The following ZZZ3 variants were observed in gnomAD, a reference collection of about 807,000 sequenced individuals.
The protein encoded by ZZZ3 is ZZ-type zinc finger-containing protein 3.
A neutral mutation model predicts 95.2 loss-of-function variants in ZZZ3; 22 were observed. That is an observed-to-expected ratio of 0.23 (90% CI 0.17 to 0.33). The LOEUF (loss-of-function observed/expected upper bound fraction) is 0.33, where lower values mean the gene tolerates loss of function less well. Ranked by LOEUF, ZZZ3 falls within the 10% of genes least tolerant of loss-of-function variation. The pLI is 1.00. For synonymous variants in ZZZ3, 335 were observed against 358.9 expected, an observed-to-expected ratio of 0.93 and a Z score of 0.75; for missense variants, 885 against 1,066.5, an observed-to-expected ratio of 0.83 and a Z score of 2.37.
intron 5 of ZZZ3, among the ~76,000 whole-genome samples, 179 bp downstream of exon 5, chr1:77,631,671 G>T (rs1667824769): frequency 6.6e-6 from 1 of 152,142 alleles, no homozygotes; most frequent in South Asian, 2.1e-4. Flanking sequence ...GAACACACGT[G>T]TAAAGTTGAG....
chr1:77,610,780 C>A (rs1023326990), intron 5 of ZZZ3, among the ~76,000 whole-genome samples: 10 of 150,754 alleles, frequency 6.6e-5, no homozygotes, highest in African/African-American at 2.2e-4. Context: ...AAAAAAAAAA[C>A]TCTCAACAAA....
At position 77,565,469 on chromosome 1, in the gene ZZZ3, T is replaced by G. The variant is rs569774087; in HGVS notation, c.*171A>C. 1 of 613,248 alleles carries G rather than the reference T, an allele frequency of 1.6e-6. No individual in the cohort carries two copies. Among genetic ancestry groups the G allele is most frequent in the African/African-American group, 1.9e-5 (1 of 52,604 alleles). The allele number at this position is 613,248 out of a possible 1,614,324, so 38.0% of individuals were successfully genotyped here. On this transcript the variant is annotated 3_prime_UTR_variant, in exon 15 of 15. Coordinates refer to ENST00000370801, the MANE Select transcript of ZZZ3 (RefSeq NM_015534.6). ...GGAATGTTCAGCTGCTGAACAGTGATCTAGAGCCACAACGGTGCAGAGCTG... is the reference window on the plus strand; with the variant it reads ...GGAATGTTCAGCTGCTGAACAGTGAGCTAGAGCCACAACGGTGCAGAGCTG...
chr1:77,640,022 C>T (rs757145685), intron 3 of ZZZ3, among the ~76,000 whole-genome samples: 1 of 151,702 alleles, frequency 6.6e-6, no homozygotes, highest in Non-Finnish European at 1.5e-5. Context: ...ATCAAGTATA[C>T]ATAACCATTT....
chr1:77,679,820 C>A (rs1672587571), intron 1 of ZZZ3, among the ~76,000 whole-genome samples: 1 of 152,158 alleles, frequency 6.6e-6, no homozygotes, highest in South Asian at 2.1e-4. Flanking sequence ...TGTAAAAATA[C>A]ATTTTTCCTC....
intron 5 of ZZZ3, among the ~76,000 whole-genome samples, chr1:77,605,819 G>C (rs1665172607): frequency 6.6e-6 from 1 of 152,162 alleles, no homozygotes; most frequent in Admixed American, 6.5e-5. Flanking sequence ...TGTGGACCTT[G>C]AATAACCAGC....
intron 5 of ZZZ3, among the ~76,000 whole-genome samples, chr1:77,601,753 T>C (rs778186559): frequency 9.9e-5 from 15 of 152,168 alleles, no homozygotes; most frequent in South Asian, 2.1e-4. Flanking sequence ...TGCTAAGCCC[T>C]TTACAACCTC....
Position 77,565,583 on chromosome 1 carries a change from A to G in ZZZ3, c.*57T>C. 1 of 1,541,586 alleles carries G rather than the reference A, an allele frequency of 6.5e-7. No homozygotes were observed. The highest frequency in any genetic ancestry group is 8.9e-7 in the Non-Finnish European group (1 of 1,128,008). ...TCTTTCCAAACTGTGCACATAATTA[A>G]CAATGATACCATTGCTATGTGTTGA... On this transcript the variant is annotated 3_prime_UTR_variant, in exon 15 of 15. Transcript: ENST00000370801.
chr1:77,635,955 C>A (rs144075114), intron 4 of ZZZ3, among the ~76,000 whole-genome samples: 3 of 152,180 alleles, frequency 2.0e-5, no homozygotes, highest in Non-Finnish European at 4.4e-5. Flanking sequence ...TGAAAAGCAA[C>A]TTACTTGTTT....
chr1:77,646,209 GT>G (rs1387186493), intron 1 of ZZZ3, among the ~76,000 whole-genome samples: 3 of 151,796 alleles, frequency 2.0e-5, no homozygotes, highest in East Asian at 1.9e-4. Flanking sequence ...ATTAGTCTAA[GT>G]TTTTTGTTTT....
intron 1 of ZZZ3, among the ~76,000 whole-genome samples, chr1:77,676,212 G>A (rs1458371495): frequency 6.6e-6 from 1 of 152,186 alleles, no homozygotes; most frequent in East Asian, 1.9e-4. Flanking sequence ...TGTCACCCAG[G>A]CTGGAGTGTA....
chr1:77,671,146 T>A (rs1671754591), intron 1 of ZZZ3, among the ~76,000 whole-genome samples: 1 of 152,202 alleles, frequency 6.6e-6, no homozygotes, highest in East Asian at 1.9e-4. Context: ...AAAATAATTA[T>A]GAAATCCTCC....
intron 3 of ZZZ3, among the ~76,000 whole-genome samples, chr1:77,640,376 G>A (rs1261758587): frequency 6.6e-6 from 1 of 151,952 alleles, no homozygotes; most frequent in Non-Finnish European, 1.5e-5. Flanking sequence ...CAAGACAGGT[G>A]GATCACAAGG....
chr1:77,569,887 A>G (rs562529246), intron 12 of ZZZ3, among the ~76,000 whole-genome samples: 1 of 151,942 alleles, frequency 6.6e-6, no homozygotes, highest in East Asian at 1.9e-4. Context: ...TTTCTTTGCT[A>G]CCTTATGACT....
chr1:77,571,473 T>A (rs935514300), intron 12 of ZZZ3, among the ~76,000 whole-genome samples: 3 of 152,316 alleles, frequency 2.0e-5, no homozygotes, highest in Non-Finnish European at 2.9e-5. Context: ...AGCAGGATAT[T>A]TGTATACCTA....
At chr1:77,652,895 G>C (rs867849147) in intron 1 of ZZZ3, among the ~76,000 whole-genome samples, 1 of 152,128 alleles carries the variant, frequency 6.6e-6, no homozygotes, top group South Asian at 2.1e-4. Flanking sequence ...AAAATACCCT[G>C]AATAGGCCAG....
Position 77,632,112 on chromosome 1 carries a change from T to C in ZZZ3, c.1243A>G (p.Thr415Ala). Residue 415 changes from threonine to alanine, a missense_variant, in exon 5 of 15, where the codon ACA (threonine) becomes GCA (alanine). By Grantham distance (58) the Thr-to-Ala change is moderately conservative (BLOSUM62 0). This residue lies in a region of ZZZ3 where 556 missense variants were observed against 652.9 expected (regional missense o/e 0.85). Transcript: ENST00000370801. ...ACATTATCACTAACAGTTGCATTTG[T>C]TTCATTAGGACTAAGATTATTCTCC... ...FEENNLSPNE[T>A]NATVSDNVSQ... 6.2e-7 allele frequency: 1 copy of C among 1,614,168 alleles called. No individual in the cohort carries two copies. The highest frequency in any genetic ancestry group is 8.5e-7 in the Non-Finnish European group (1 of 1,180,014).
rs1455258011 is a variant in ZZZ3 at position 77,633,286 on chromosome 1, A to G, written c.69T>C (p.Phe23=). Residue 23 remains phenylalanine, a synonymous_variant, in exon 5 of 15, where the codon TTT becomes TTC. Coordinates refer to ENST00000370801, the MANE Select transcript of ZZZ3 (RefSeq NM_015534.6). The stretch of plus-strand genomic sequence containing the variant: ...TACGATTCCTTAAAGTTCTACCACA[A>G]AAAGATTCATCCAAGCCGTTTAACC... ...TVGLNGLDES[F]CGRTLRNRSI... 4 of 1,614,038 alleles carry G rather than the reference A, an allele frequency of 2.5e-6. No individual in the cohort carries two copies. Among genetic ancestry groups the G allele is most frequent in the Middle Eastern group, 3.3e-4 (2 of 6,058 alleles).
chr1:77,660,751 T>C (rs1251097858), intron 1 of ZZZ3, among the ~76,000 whole-genome samples: 1 of 152,166 alleles, frequency 6.6e-6, no homozygotes, highest in Non-Finnish European at 1.5e-5. Context: ...GAAGGCCACA[T>C]TACTTCTATC....
At chr1:77,570,726 G>A (rs190361351) in intron 12 of ZZZ3, among the ~76,000 whole-genome samples, 6 of 150,608 alleles carry the variant, frequency 4.0e-5, no homozygotes, top group African/African-American at 1.5e-4. Flanking sequence ...GGAGTGCAAT[G>A]GTGGGGCTCT....
Sources: allele counts gnomAD v4.1 joint callset (sites outside exome capture counted in the v4.1 genomes callset), GRCh38; gene constraint gnomAD v4.1.1; regional missense constraint gnomAD v4.1.1; transcripts MANE v1.5; gene names NCBI Gene and HGNC (gene_info 2026-07-23, HGNC 2026-07-21).